Variants in COLEC12 observed in about 807,000 individuals in gnomAD.
COLEC12 encodes the protein collectin subfamily member 12, also known as collectin-12.
COLEC12 carries 33 observed loss-of-function variants against 71.1 expected under a neutral mutation model. The observed-to-expected ratio is 0.46, with a 90% CI of 0.35 to 0.62. COLEC12 has a LOEUF of 0.62. COLEC12 is among the 20% of genes least tolerant of loss of function. The pLI is 0.00. For missense variants in COLEC12, 765 were observed against 916.1 expected (o/e 0.84, Z 2.13); for synonymous variants, 350 against 353.0 (o/e 0.99, Z 0.10).
chr18:470,447 G>T (rs1352511738), intron 2 of COLEC12, among the ~76,000 whole-genome samples: 2 of 151,264 alleles, frequency 1.3e-5, no homozygotes, highest in African/African-American at 2.4e-5. Context: ...GTTGGCCAGG[G>T]TGGTCTCAAA....
At chr18:333,194 C>A in intron 6 of COLEC12, 51 bp from the exon 7 acceptor site, 1 of 1,509,476 alleles carries the variant, frequency 6.6e-7, no homozygotes, top group Admixed American at 2.0e-5. Flanking sequence ...AGAAAGCACT[C>A]TGCCTTTCTT....
intron 2 of COLEC12, among the ~76,000 whole-genome samples, chr18:417,257 C>T (rs1007544815): frequency 6.6e-6 from 1 of 152,064 alleles, no homozygotes; most frequent in African/African-American, 2.4e-5. Flanking sequence ...AACTGTAACA[C>T]AATGTTAAGT....
At position 324,649 on chromosome 18, in the gene COLEC12, C is replaced by T. The variant is rs151234411; in HGVS notation, c.2064-2842G>A. 7.6e-3 allele frequency among the ~76,000 whole-genome samples: 1,148 copies of T among 151,618 alleles called. 8 individuals are homozygous for T. The highest frequency in any genetic ancestry group is 0.017 in the Middle Eastern group (5 of 290). On this transcript the variant is annotated intron_variant, in intron 8 of 9. Coordinates refer to ENST00000400256, the MANE Select transcript of COLEC12 (RefSeq NM_130386.3). ...TTCAAGACCAGTCTGGCCAACATGGCGAAACCCCATCTCTACTAAAAATAC... is the reference window on the plus strand; with the variant it reads ...TTCAAGACCAGTCTGGCCAACATGGTGAAACCCCATCTCTACTAAAAATAC...
At position 341,787 on chromosome 18, in the gene COLEC12, G is replaced by T. The variant is rs183562105; in HGVS notation, c.1327+4508C>A. Among the ~76,000 whole-genome samples the T allele has an allele frequency of 4.6e-5, 7 of 152,338 alleles. No homozygotes were observed. The East Asian group carries it at 1.4e-3, about 29-fold the overall frequency. ...ACACAGATGAGGAAACAGAGGCACT[G>T]AGAGGATGAGGAACTTGGTACATGA... On this transcript the variant is annotated intron_variant, in intron 5 of 9. Coordinates refer to ENST00000400256, the MANE Select transcript of COLEC12 (RefSeq NM_130386.3).
intron 2 of COLEC12, among the ~76,000 whole-genome samples, chr18:400,706 T>C (rs9966524): frequency 0.23 from 34,612 of 152,158 alleles, 4,164 homozygotes; most frequent in Middle Eastern, 0.28. Flanking sequence ...ACTGTTGGAA[T>C]GTGTCTTCAA....
intron 3 of COLEC12, among the ~76,000 whole-genome samples, chr18:354,000 T>G (rs1914576498): frequency 1.3e-5 from 2 of 152,238 alleles, no homozygotes; most frequent in Admixed American, 1.3e-4. Flanking sequence ...CTAGGAATGT[T>G]GAATTAAAGG....
intron 1 of COLEC12, among the ~76,000 whole-genome samples, chr18:487,948 C>A (rs1405735189): frequency 6.6e-6 from 1 of 151,838 alleles, no homozygotes; most frequent in Non-Finnish European, 1.5e-5. Context: ...CAACCTCTAA[C>A]ATGAAAAGAC....
chr18:466,399 G>GT (rs1489403855), intron 2 of COLEC12, among the ~76,000 whole-genome samples: 2 of 152,174 alleles, frequency 1.3e-5, no homozygotes, highest in African/African-American at 4.8e-5. Flanking sequence ...AACAGCTCCA[G>GT]TTTGTCTCCT....
chr18:340,640 T>G (rs1411822691), intron 5 of COLEC12, among the ~76,000 whole-genome samples: 1 of 152,142 alleles, frequency 6.6e-6, no homozygotes, highest in Non-Finnish European at 1.5e-5. Flanking sequence ...CTTACTGCCA[T>G]CCAAAATCTT....
At chr18:440,836 A>G (rs1024076364) in intron 2 of COLEC12, among the ~76,000 whole-genome samples, 1 of 152,216 alleles carries the variant, frequency 6.6e-6, no homozygotes, top group African/African-American at 2.4e-5. Flanking sequence ...CAGCCCCATC[A>G]TACCTATAGG....
intron 2 of COLEC12, among the ~76,000 whole-genome samples, chr18:474,019 A>G (rs1329634488): frequency 6.6e-6 from 1 of 152,196 alleles, no homozygotes; most frequent in African/African-American, 2.4e-5. Flanking sequence ...CCAGTGTTCA[A>G]TATGACACAT....
chr18:444,492 C>A (rs1038197108), intron 2 of COLEC12, among the ~76,000 whole-genome samples: 1 of 152,068 alleles, frequency 6.6e-6, no homozygotes, highest in African/African-American at 2.4e-5. Flanking sequence ...AAAATACAAG[C>A]CCATATTCAC....
rs1314980272 is a variant in COLEC12 at position 346,869 on chromosome 18, G to C, written c.753C>G (p.Ala251=). 5 of 1,614,146 alleles carry C rather than the reference G, an allele frequency of 3.1e-6. No homozygotes were observed. Among genetic ancestry groups the C allele is most frequent in the Middle Eastern group, 1.6e-4 (1 of 6,062 alleles). Residue 251 remains alanine (A), a synonymous_variant, in exon 5 of 10, where the codon GCC becomes GCG. Transcript: ENST00000400256. This position sits in a 1 kb window ranked among gnomAD's most constrained non-coding sequence, Gnocchi z 4.0. ...FQNLQQVFLQ[A]KKDTDWLKEK... is the part of the protein sequence containing the mutation. ...CCTTCAGCCAATCCGTGTCCTTCTT[G>C]GCTTGAAGAAAAACCTGCTGCAGAT...
intron 5 of COLEC12, among the ~76,000 whole-genome samples, chr18:343,644 G>A (rs776556664): frequency 3.9e-5 from 6 of 152,102 alleles, no homozygotes; most frequent in African/African-American, 1.2e-4. Flanking sequence ...TGGGGTGACC[G>A]GGTACCGTAG....
chr18:392,556 G>T (rs918450736), intron 2 of COLEC12, among the ~76,000 whole-genome samples: 5 of 152,200 alleles, frequency 3.3e-5, no homozygotes, highest in Admixed American at 6.5e-5. Flanking sequence ...CCCCATTTCA[G>T]ATGCTATTTG....
rs57135576 is a variant in COLEC12, at chr18:319,339, A to ATATATAT, written c.*705_*706insATATATA. ...GAAACATTAAAAAAAAAAAAAAAAA[A>ATATATAT]AAATATATATATATATATATATATA... is the stretch of plus-strand genomic sequence containing the variant. On this transcript the variant is annotated 3_prime_UTR_variant, in exon 10 of 10. Coordinates refer to ENST00000400256, the MANE Select transcript of COLEC12 (RefSeq NM_130386.3). 3.7e-4 allele frequency: 15 copies of ATATATAT among 40,496 alleles called. No homozygotes were observed. In the East Asian group the frequency reaches 5.5e-3, roughly 15 times the overall value. 2.5% of individuals were successfully genotyped at this position (40,496 alleles called of 1,614,324 possible). A position where few individuals can be genotyped will look rare whatever the true frequency, so the allele number is the denominator to read the frequency against.
intron 2 of COLEC12, among the ~76,000 whole-genome samples, chr18:388,296 G>C (rs1915389500): frequency 6.6e-6 from 1 of 152,100 alleles, no homozygotes; most frequent in Non-Finnish European, 1.5e-5. Flanking sequence ...TTTTATTATA[G>C]TCAAATACCA....
intron 2 of COLEC12, among the ~76,000 whole-genome samples, chr18:473,424 G>A (rs951689886): frequency 6.6e-6 from 1 of 152,128 alleles, no homozygotes; most frequent in Non-Finnish European, 1.5e-5. Flanking sequence ...GTTCAGTGGC[G>A]TGATCTCGGC....
At chr18:445,796 C>T (rs764434267) in intron 2 of COLEC12, among the ~76,000 whole-genome samples, 1 of 152,042 alleles carries the variant, frequency 6.6e-6, no homozygotes, top group Non-Finnish European at 1.5e-5. Flanking sequence ...CCACACCCGG[C>T]TAATTTTTTA....
Sources: allele counts gnomAD v4.1 joint callset (sites outside exome capture counted in the v4.1 genomes callset), GRCh38; gene constraint gnomAD v4.1.1; non-coding constraint Gnocchi (gnomAD v3.1); transcripts MANE v1.5; gene names NCBI Gene and HGNC (gene_info 2026-07-23, HGNC 2026-07-21).